The following ANGPT4 variants were observed in gnomAD, a reference collection of about 807,000 sequenced individuals.
ANGPT4 encodes the protein angiopoietin 4, also known as angiopoietin-4.
In ANGPT4, 50 loss-of-function variants were observed where a neutral mutation model predicts 53.0. The observed-to-expected ratio is 0.94, with a 90% CI of 0.75 to 1.20. The LOEUF (loss-of-function observed/expected upper bound fraction) is 1.20. Among genes scored for constraint, ANGPT4 ranks in the 50% most tolerant of loss-of-function variants. The probability of loss-of-function intolerance (pLI) is 0.00; values close to 1 mark genes in which losing one functional copy is unlikely to be tolerated. For synonymous variants in ANGPT4, 251 were observed against 259.7 expected (o/e 0.97, Z 0.32); for missense variants, 648 against 637.1 (o/e 1.02, Z -0.18).
At chr20:884,935 G>A in intron 4 of ANGPT4, 143 bp downstream of exon 4, 1 of 1,195,070 alleles carries the variant, frequency 8.4e-7, no homozygotes, top group Non-Finnish European at 1.1e-6. Flanking sequence ...ACTGTTTATT[G>A]TTGTTTCTAT....
intron 1 of ANGPT4, among the ~76,000 whole-genome samples, chr20:909,018 G>A (rs1982595357): frequency 6.6e-6 from 1 of 152,100 alleles, no homozygotes; most frequent in Admixed American, 6.5e-5. Context: ...TCTGTAAATG[G>A]TGGGCACAGA....
In ANGPT4 at chr20:872,710, AG is replaced by A. The variant is rs1390950730; in HGVS notation, c.*249del. On this transcript the variant is annotated 3_prime_UTR_variant, in exon 9 of 9. Transcript: ENST00000381922. ...TGACCCTCAGGCAGGGAGCCCCTGA[AG>A]GGGGAGGGAGAGAAGAGGGGCGAGG... The A allele has an allele frequency of 2.6e-5, 13 of 500,204 alleles. No homozygotes were observed. The highest frequency in any genetic ancestry group is 7.7e-5 in the African/African-American group (4 of 51,686). The allele number at this position is 500,204 out of a possible 1,614,324, so 31.0% of individuals were successfully genotyped here. A position where few individuals can be genotyped will look rare whatever the true frequency, so the allele number is the denominator to read the frequency against.
chr20:898,966 C>G (rs949214354), intron 1 of ANGPT4, among the ~76,000 whole-genome samples: 3 of 151,836 alleles, frequency 2.0e-5, no homozygotes, highest in South Asian at 4.1e-4. Context: ...GAAATCTGGC[C>G]CAAGGCTGTC....
intron 1 of ANGPT4, among the ~76,000 whole-genome samples, chr20:894,483 G>C (rs752907278): frequency 5.9e-5 from 9 of 152,084 alleles, no homozygotes; most frequent in Non-Finnish European, 1.3e-4. Flanking sequence ...TAGCAGGCTG[G>C]TCCGGGGGTC....
chr20:888,508 C>T (rs1294164185), intron 2 of ANGPT4, 69 bp from the exon 3 acceptor site: 3 of 1,544,814 alleles, frequency 1.9e-6, no homozygotes, highest in South Asian at 2.4e-5. Flanking sequence ...AACCACCCAC[C>T]TGCCCACAGG....
In ANGPT4 at chr20:908,267, G is replaced by A. The variant is rs1466342030; in HGVS notation, c.309+7639C>T. Among the ~76,000 whole-genome samples, 1 of 152,134 alleles carries A rather than the reference G, an allele frequency of 6.6e-6. No individual in the cohort carries two copies. Among genetic ancestry groups the A allele is most frequent in the African/African-American group, 2.4e-5 (1 of 41,412 alleles). On this transcript the variant is annotated intron_variant, in intron 1 of 8. Transcript: ENST00000381922. This position sits in a 1 kb window ranked among gnomAD's most constrained non-coding sequence, Gnocchi z 4.9. ...CAGGGACATCTGTCTGGCTCCTGGT[G>A]AGCACTCCAGTCTCATCTTGGCCAT...
intron 1 of ANGPT4, among the ~76,000 whole-genome samples, chr20:901,689 G>C (rs1461579231): frequency 1.3e-5 from 2 of 152,222 alleles, no homozygotes; most frequent in Non-Finnish European, 2.9e-5. Context: ...AAGGTGGGTG[G>C]ATCGCTTAAG....
chr20:900,402 T>C (rs1052675031), intron 1 of ANGPT4, among the ~76,000 whole-genome samples: 1 of 152,196 alleles, frequency 6.6e-6, no homozygotes, highest in African/African-American at 2.4e-5. Flanking sequence ...ACAAGAAACC[T>C]TTAGTACTCC....
At chr20:906,952 C>T (rs1023312226) in intron 1 of ANGPT4, among the ~76,000 whole-genome samples, 2 of 152,222 alleles carry the variant, frequency 1.3e-5, no homozygotes, top group Non-Finnish European at 2.9e-5. Flanking sequence ...TTGACACAGG[C>T]CCAGCGTCTC....
Position 908,932 on chromosome 20 carries a change from T to A in ANGPT4, c.309+6974A>T, listed in dbSNP as rs1436952653. 6.6e-6 allele frequency among the ~76,000 whole-genome samples: 1 copy of A among 152,060 alleles called. No individual in the cohort carries two copies. The highest frequency in any genetic ancestry group is 1.5e-5 in the Non-Finnish European group (1 of 68,012). ...TCAGCTGGGTGTCAGGAACCCTGGG[T>A]TCTGGGCCAACTCCTGCCACCGACC... On this transcript the variant is annotated intron_variant, in intron 1 of 8. Transcript: ENST00000381922. This position sits in a 1 kb window ranked among gnomAD's most constrained non-coding sequence, Gnocchi z 4.9.
Position 885,217 on chromosome 20 carries a change from G to C in ANGPT4, c.696C>G (p.Ala232=). ...GGCCGCGCTCGATGTTGGTGAGGGC[G>C]GCGCTCTGGCGGCTCAGCGTGTTCA... The part of the protein sequence containing the change: ...KLLNTLSRQS[A]ALTNIERGLR... Residue 232 remains alanine (A), a synonymous_variant, in exon 4 of 9, where the codon GCC becomes GCG. Coordinates refer to ENST00000381922, the MANE Select transcript of ANGPT4 (RefSeq NM_015985.4). The C allele has an allele frequency of 6.3e-7, 1 of 1,591,736 alleles. No homozygotes were observed. Among genetic ancestry groups the C allele is most frequent in the Non-Finnish European group, 8.6e-7 (1 of 1,169,032 alleles).
chr20:881,725 C>T (rs771416633), intron 4 of ANGPT4, among the ~76,000 whole-genome samples: 2 of 152,096 alleles, frequency 1.3e-5, no homozygotes, highest in African/African-American at 2.4e-5. Flanking sequence ...AAAGGAGAGA[C>T]GAAGCTGAGA....
Position 899,444 on chromosome 20 carries a change from G to A in ANGPT4, c.310-9076C>T, listed in dbSNP as rs367560485. ...TTTGTATTTTTTTTTTAGTAGAGAC[G>A]GGGTTTCACCGTGTTAGCCAGGATA... On this transcript the variant is annotated intron_variant, in intron 1 of 8. Coordinates refer to ENST00000381922, the MANE Select transcript of ANGPT4 (RefSeq NM_015985.4). Among the ~76,000 whole-genome samples, 533 of 151,862 alleles carry A rather than the reference G, an allele frequency of 3.5e-3. 5 individuals are homozygous for A. Among genetic ancestry groups the A allele is most frequent in the African/African-American group, 0.012 (501 of 41,414 alleles).
Position 879,810 on chromosome 20 carries a change from G to A in ANGPT4, c.990C>T (p.Thr330=), listed in dbSNP as rs62641667. Residue 330 remains threonine (T), a synonymous_variant, in exon 6 of 9, where the codon ACC becomes ACT. Coordinates refer to ENST00000381922, the MANE Select transcript of ANGPT4 (RefSeq NM_015985.4). The part of the protein sequence containing the change: ...CDLQSSGGRW[T]LIQRRENGTV... ...TGCCATTCTCACGGCGCTGGATGAG[G>A]GTCCACCTGCCTCCACTGCTCTGCA... is the stretch of plus-strand genomic sequence containing the variant. 5,749 of 1,613,646 alleles carry A rather than the reference G, an allele frequency of 3.6e-3. 150 individuals carry two copies. The African/African-American group carries it at 0.063, about 18-fold the overall frequency.
chr20:914,051 G>A lies in ANGPT4; in HGVS notation c.309+1855C>T, dbSNP rs1168367564. ...ATTTTGTGTCATCACGGAGCAGGAT[G>A]GAGACCTGGGACCTGAGAGATTGGA... On this transcript the variant is annotated intron_variant, in intron 1 of 8. Coordinates refer to ENST00000381922, the MANE Select transcript of ANGPT4 (RefSeq NM_015985.4). This position sits in a 1 kb window ranked among gnomAD's most constrained non-coding sequence, Gnocchi z 5.0. Among the ~76,000 whole-genome samples the A allele has an allele frequency of 6.6e-6, 1 of 152,148 alleles. No individual in the cohort carries two copies. The highest frequency in any genetic ancestry group is 1.5e-5 in the Non-Finnish European group (1 of 68,024).
chr20:888,141 TC>T (rs1233824903), intron 3 of ANGPT4, among the ~76,000 whole-genome samples, 176 bp downstream of exon 3: 4 of 152,078 alleles, frequency 2.6e-5, no homozygotes, highest in Non-Finnish European at 1.5e-5. Flanking sequence ...CTTGCCCCAA[TC>T]CTAATCCAAG....
At chr20:873,172 G>A (rs1396931576) in intron 8 of ANGPT4, 52 bp from the exon 9 acceptor site, 1 of 1,587,294 alleles carries the variant, frequency 6.3e-7, no homozygotes, top group Non-Finnish European at 8.6e-7. Context: ...CCCAGCCAGT[G>A]GCAAGAGGGC....
intron 1 of ANGPT4, among the ~76,000 whole-genome samples, chr20:892,403 C>T (rs1015283724): frequency 6.6e-6 from 1 of 152,080 alleles, no homozygotes; most frequent in Non-Finnish European, 1.5e-5. Flanking sequence ...TGAGACCAGC[C>T]TGGGCAACAT....
rs6140596 is a variant in ANGPT4, at chr20:902,195, G to T, written c.310-11827C>A. Among the ~76,000 whole-genome samples, 385 of 152,132 alleles carry T rather than the reference G, an allele frequency of 2.5e-3. 18 individuals carry two copies. In the East Asian group the frequency reaches 0.069, roughly 27 times the overall value. Reference sequence around the variant, plus strand: ...TACATTACCTATATTGAAATTGTTTGGATTTTAAAAGTAGAATGAGAGTGT... The same window carrying T: ...TACATTACCTATATTGAAATTGTTTTGATTTTAAAAGTAGAATGAGAGTGT... On this transcript the variant is annotated intron_variant, in intron 1 of 8. Transcript: ENST00000381922.
Sources: gnomAD v4.1 joint callset for allele counts (sites outside exome capture counted in the v4.1 genomes callset) on GRCh38, gnomAD v4.1.1 for gene constraint, Gnocchi (gnomAD v3.1) non-coding constraint, MANE v1.5 for transcripts, NCBI Gene and HGNC (gene_info 2026-07-23, HGNC 2026-07-21) for gene names.